ALG12: variants seen among roughly 807,000 people sequenced by gnomAD.
The protein encoded by ALG12 is dol-P-Man:Man(7)GlcNAc(2)-PP-Dol alpha-1,6-mannosyltransferase.
ALG12 carries 36 observed loss-of-function variants against 46.0 expected under a neutral mutation model. That is an observed-to-expected ratio of 0.78 (90% CI 0.60 to 1.03). The LOEUF is 1.03. ALG12 is among the 50% of genes least tolerant of loss of function. ALG12 has a pLI of 0.00. For synonymous variants in ALG12, 326 were observed against 291.6 expected (o/e 1.12, Z -1.20); for missense variants, 599 against 633.5 (o/e 0.95, Z 0.58).
the ALG12 span, chr22:49,884,668 C>T: frequency 2.1e-5 from 34 of 1,609,884 alleles, no homozygotes; most frequent in African/African-American, 2.7e-5. Context: ...GAGGGCACAC[C>T]GCGCCATCGT....
At chr22:49,871,965 C>T in the ALG12 span, among the ~76,000 whole-genome samples, 5 of 151,900 alleles carry the variant, frequency 3.3e-5, no homozygotes, top group Admixed American at 1.3e-4. Context: ...AGGCTGGTCT[C>T]GAACTCTTCA....
chr22:49,904,097 G>A, intron 9 of ALG12, 31 bp from the exon 10 acceptor site: 2 of 1,613,984 alleles, frequency 1.2e-6, no homozygotes, highest in Non-Finnish European at 1.7e-6. Context: ...GTCCTGCCCA[G>A]GGCCCCCACA....
the ALG12 span, chr22:49,885,627 C>CA: frequency 6.2e-7 from 1 of 1,610,718 alleles, no homozygotes; most frequent in Non-Finnish European, 8.5e-7. Flanking sequence ...ACCCAGTTGC[C>CA]AAAAAAATCA....
At position 49,906,729 on chromosome 22, in the gene ALG12, C is replaced by T. The variant is rs921065810; in HGVS notation, c.992+992G>A. Among the ~76,000 whole-genome samples, 4 of 152,180 alleles carry T rather than the reference C, an allele frequency of 2.6e-5. No homozygotes were observed. The highest frequency in any genetic ancestry group is 5.9e-5 in the Non-Finnish European group (4 of 68,020). ...CAATGCCCAGCGTGGCCTGAGTTGG[C>T]CTCCTGTTCCCATCAAGGCAGCAAA... On this transcript the variant is annotated intron_variant, in intron 7 of 9. Coordinates refer to ENST00000330817, the MANE Select transcript of ALG12 (RefSeq NM_024105.4). The surrounding 1 kb of genome is among the most constrained non-coding windows in gnomAD (Gnocchi z 4.4).
the ALG12 span, among the ~76,000 whole-genome samples, chr22:49,865,735 G>T: frequency 1.3e-5 from 2 of 152,098 alleles, no homozygotes; most frequent in African/African-American, 4.8e-5. Context: ...TTTGCTCTCC[G>T]GTAGATCTCT....
the ALG12 span, among the ~76,000 whole-genome samples, chr22:49,877,079 G>T: frequency 6.6e-6 from 1 of 152,118 alleles, no homozygotes. Flanking sequence ...CTCAAAGAGT[G>T]TGTTTATGTA....
intron 3 of ALG12, 36 bp from the exon 4 acceptor site, chr22:49,910,643 T>G (rs768452610): frequency 5.6e-6 from 9 of 1,613,518 alleles, no homozygotes; most frequent in East Asian, 2.2e-5. Flanking sequence ...GAGCCTGCAG[T>G]GGAGGAGTAT....
At position 49,913,594 on chromosome 22, in the gene ALG12, G is replaced by C. The variant is rs1173796223; in HGVS notation, c.162+10C>G. ...TGAGGTTTTCCCCAAAGACAGCAGG[G>C]GCCCCTCACCTGCTCCAGGTCTTGC... On this transcript the variant is annotated intron_variant, in intron 2 of 9. Coordinates refer to ENST00000330817, the MANE Select transcript of ALG12 (RefSeq NM_024105.4). 1.2e-6 allele frequency: 2 copies of C among 1,614,078 alleles called. No homozygotes were observed. Among genetic ancestry groups the C allele is most frequent in the Middle Eastern group, 1.6e-4 (1 of 6,062 alleles).
At chr22:49,874,661 C>A in the ALG12 span, among the ~76,000 whole-genome samples, 24 of 138,958 alleles carry the variant, frequency 1.7e-4, 1 homozygote, top group Admixed American at 1.9e-3. Flanking sequence ...GCGTGAACCA[C>A]CATGCCCAGC....
At chr22:49,874,672 CTTTTTTT>C in the ALG12 span, among the ~76,000 whole-genome samples, 11 of 37,314 alleles carry the variant, frequency 2.9e-4, no homozygotes, top group East Asian at 3.1e-3. Flanking sequence ...CATGCCCAGC[CTTTTTTT>C]TTTTTTTTTT....
Position 49,903,224 on chromosome 22 carries a change from T to G in ALG12, c.*614A>C, listed in dbSNP as rs1443538880. The G allele has an allele frequency of 2.4e-6, 1 of 413,036 alleles. No individual in the cohort carries two copies. Among genetic ancestry groups the G allele is most frequent in the Non-Finnish European group, 4.8e-6 (1 of 208,560 alleles). 25.6% of individuals were successfully genotyped at this position (413,036 alleles called of 1,614,324 possible). A position where few individuals can be genotyped will look rare whatever the true frequency, so the allele number is the denominator to read the frequency against. ...CATTATTTTCTGTAATCTTGAGAGG[T>G]TCCAATCAACATTTATTGCCTTATT... On this transcript the variant is annotated 3_prime_UTR_variant, in exon 10 of 10. Transcript: ENST00000330817.
At position 49,905,734 on chromosome 22, in the gene ALG12, CTT is replaced by C. The variant is rs2060538833; in HGVS notation, c.993-1230_993-1229del. Among the ~76,000 whole-genome samples the C allele has an allele frequency of 6.6e-6, 1 of 152,262 alleles. No individual in the cohort carries two copies. The highest frequency in any genetic ancestry group is 2.1e-4 in the South Asian group (1 of 4,836). On this transcript the variant is annotated intron_variant, in intron 7 of 9. Coordinates refer to ENST00000330817, the MANE Select transcript of ALG12 (RefSeq NM_024105.4). The surrounding 1 kb of genome is among the most constrained non-coding windows in gnomAD (Gnocchi z 4.9). Reference sequence around the variant, plus strand: ...GAACCGCGAGCCAATGAAGCCTCCTCTTTATAAATTATCCAGTCTCAGGTGTT... The same window carrying C: ...GAACCGCGAGCCAATGAAGCCTCCTCTATAAATTATCCAGTCTCAGGTGTT...
At position 49,904,412 on chromosome 22, in the gene ALG12, G is replaced by A. The variant is rs1158871249; in HGVS notation, c.1087C>T (p.Leu363=). 1.2e-6 allele frequency: 2 copies of A among 1,614,178 alleles called. No homozygotes were observed. The highest frequency in any genetic ancestry group is 2.7e-5 in the African/African-American group (2 of 75,042). ...GGGTAGTTGAAATGGGACACATACA[G>A]GGCCGTGGCTGAGTAGGCGGCATTC... The part of the protein sequence containing the change: ...VVNAAYSATA[L]YVSHFNYPGG... Residue 363 remains leucine, a synonymous_variant, in exon 8 of 10, where the codon CTG becomes TTG. Transcript: ENST00000330817.
the ALG12 span, among the ~76,000 whole-genome samples, chr22:49,881,033 A>G: frequency 4.3e-4 from 66 of 152,188 alleles, no homozygotes; most frequent in Admixed American, 1.1e-3. Flanking sequence ...TTTGGACATT[A>G]TATGTGGAAT....
chr22:49,859,916 A>G, the ALG12 span, among the ~76,000 whole-genome samples: 2 of 149,554 alleles, frequency 1.3e-5, no homozygotes, highest in African/African-American at 2.5e-5. Flanking sequence ...AGTTCCAGCT[A>G]CTCAGGAGGC....
At chr22:49,897,978 A>C (rs1298917533), downstream of ALG12, among the ~76,000 whole-genome samples, 1 of 150,406 alleles carries the variant, frequency 6.6e-6, no homozygotes, top group Admixed American at 6.6e-5. Flanking sequence ...TTGTTTTCTT[A>C]TTTATGAGTT....
downstream of ALG12, among the ~76,000 whole-genome samples, chr22:49,899,303 T>G (rs1012711829): frequency 2.0e-5 from 3 of 151,862 alleles, no homozygotes; most frequent in African/African-American, 7.3e-5. Context: ...GGTGAAACCC[T>G]GTCTCTACTA....
chr22:49,885,919 T>G, the ALG12 span: 1 of 923,850 alleles, frequency 1.1e-6, no homozygotes, highest in Non-Finnish European at 1.7e-6. Flanking sequence ...CTGGGTTTCC[T>G]TCGAGTCGCC....
Position 49,901,822 on chromosome 22 carries a change from A to T in ALG12, c.*2016T>A. On this transcript the variant is annotated 3_prime_UTR_variant, in exon 10 of 10. Coordinates refer to ENST00000330817, the MANE Select transcript of ALG12 (RefSeq NM_024105.4). ...GTATGCATGGTGTGTGCACGTGTGC[A>T]CTGTGTGTATGCATGGTGTGTGCAC... The T allele has an allele frequency of 8.5e-6, 1 of 118,304 alleles. No individual in the cohort carries two copies. Among genetic ancestry groups the T allele is most frequent in the South Asian group, 3.0e-4 (1 of 3,386 alleles). The allele number at this position is 118,304 out of a possible 1,614,324, so 7.3% of individuals were successfully genotyped here.
Sources: allele counts gnomAD v4.1 joint callset (sites outside exome capture counted in the v4.1 genomes callset), GRCh38; gene constraint gnomAD v4.1.1; non-coding constraint Gnocchi (gnomAD v3.1); transcripts MANE v1.5; gene names NCBI Gene and HGNC (gene_info 2026-07-23, HGNC 2026-07-21).